TANC1: variants seen among roughly 807,000 people sequenced by gnomAD.
The protein encoded by TANC1 is tetratricopeptide repeat, ankyrin repeat and coiled-coil containing 1, also known as protein TANC1.
A neutral mutation model predicts 149.7 loss-of-function variants in TANC1; 77 were observed. The ratio of observed to expected loss-of-function variants is 0.51; its 90% CI spans 0.43 to 0.62. The LOEUF is 0.62. Ranked by LOEUF, TANC1 falls within the 20% of genes least tolerant of loss-of-function variation. The pLI, the probability that TANC1 is intolerant of heterozygous loss-of-function variation, is 0.00. For synonymous variants in TANC1, 854 were observed against 925.0 expected, an observed-to-expected ratio of 0.92 and a Z score of 1.39; for missense variants, 1,985 against 2,321.8, an observed-to-expected ratio of 0.85 and a Z score of 2.98.
At chr2:159,136,002 T>TTTTGTGTGTG (rs1334917468) in intron 4 of TANC1, among the ~76,000 whole-genome samples, 192 bp from the exon 5 acceptor site, 4 of 107,776 alleles carry the variant, frequency 3.7e-5, no homozygotes, top group Non-Finnish European at 6.5e-5. Context: ...TACTGAAATT[T>TTTTGTGTGTG]TGTGTGTGTG....
At chr2:159,136,408 A>G (rs12990585) in intron 5 of TANC1, 110 bp downstream of exon 5, 2 of 688,138 alleles carry the variant, frequency 2.9e-6, no homozygotes, top group Admixed American at 2.4e-5. Context: ...CTGAGAATGT[A>G]TTTGGGAGGT....
intron 1 of TANC1, among the ~76,000 whole-genome samples, chr2:158,986,156 G>A (rs2034979030): frequency 6.6e-6 from 1 of 152,222 alleles, no homozygotes; most frequent in Non-Finnish European, 1.5e-5. Context: ...GTCCAAATCA[G>A]TGGCTCCCTA....
intron 4 of TANC1, among the ~76,000 whole-genome samples, chr2:159,121,616 G>A (rs186382703): frequency 1.3e-5 from 2 of 152,274 alleles, no homozygotes; most frequent in East Asian, 1.9e-4. Context: ...GAGCCACTAC[G>A]CCCAGCAGTT....
intron 7 of TANC1, 170 bp downstream of exon 7, chr2:159,150,726 A>G (rs1048964631): frequency 1.6e-5 from 9 of 573,282 alleles, no homozygotes; most frequent in African/African-American, 7.6e-5. Flanking sequence ...AGAGTGGAGC[A>G]TTGGCTTTTA....
At chr2:159,087,471 T>G (rs75435044) in intron 3 of TANC1, among the ~76,000 whole-genome samples, 4,677 of 145,344 alleles carry the variant, frequency 0.032, 242 homozygotes, top group East Asian at 0.15. Flanking sequence ...TTTTCCGTTT[T>G]TTTTTTTTTT....
chr2:159,076,540 A>G (rs892210446), intron 3 of TANC1, among the ~76,000 whole-genome samples: 1 of 152,214 alleles, frequency 6.6e-6, no homozygotes, highest in African/African-American at 2.4e-5. Context: ...TAAGTTCCCA[A>G]CAGTAGATGG....
intron 5 of TANC1, among the ~76,000 whole-genome samples, chr2:159,141,284 A>G (rs1034273686): frequency 2.0e-5 from 3 of 152,358 alleles, no homozygotes; most frequent in Admixed American, 2.0e-4. Flanking sequence ...CACTAATCCC[A>G]TTCTGAGACA....
At chr2:159,182,551 T>A (rs1264575423) in intron 14 of TANC1, among the ~76,000 whole-genome samples, 1 of 152,228 alleles carries the variant, frequency 6.6e-6, no homozygotes, top group Non-Finnish European at 1.5e-5. Context: ...TTTTTCTTTT[T>A]CCTCAAAATT....
At chr2:158,990,779 T>G (rs2035539585) in intron 1 of TANC1, among the ~76,000 whole-genome samples, 1 of 152,116 alleles carries the variant, frequency 6.6e-6, no homozygotes, top group Middle Eastern at 3.4e-3. Flanking sequence ...TGCTGAAGAA[T>G]TCAGGGTTAT....
intron 1 of TANC1, among the ~76,000 whole-genome samples, chr2:159,000,308 C>T (rs1481195420): frequency 1.3e-5 from 2 of 151,706 alleles, no homozygotes; most frequent in African/African-American, 2.4e-5. Flanking sequence ...GGCACCAGGG[C>T]GGGAAGCTGG....
At chr2:159,124,893 C>A (rs921666916) in intron 4 of TANC1, among the ~76,000 whole-genome samples, 6 of 130,832 alleles carry the variant, frequency 4.6e-5, no homozygotes, top group Admixed American at 8.4e-5. Flanking sequence ...AGGCACGCAC[C>A]ACCATGCCCA....
intron 3 of TANC1, among the ~76,000 whole-genome samples, chr2:159,096,828 T>C (rs2046195790): frequency 6.6e-6 from 1 of 152,194 alleles, no homozygotes; most frequent in East Asian, 1.9e-4. Context: ...GGCGGGAAAG[T>C]TGTTGACTGA....
intron 1 of TANC1, among the ~76,000 whole-genome samples, chr2:158,981,756 G>A (rs764760910): frequency 2.0e-5 from 3 of 151,402 alleles, no homozygotes; most frequent in Non-Finnish European, 2.9e-5. Context: ...ATTTTATTCC[G>A]AATGACAAGT....
At chr2:159,080,089 C>A (rs960175505) in intron 3 of TANC1, among the ~76,000 whole-genome samples, 2 of 152,148 alleles carry the variant, frequency 1.3e-5, no homozygotes, top group African/African-American at 4.8e-5. Context: ...CTGCAACCCC[C>A]GGGACAAATG....
chr2:158,985,712 C>T lies in TANC1; in HGVS notation c.-125-15368C>T, dbSNP rs539690197. 3.9e-5 allele frequency among the ~76,000 whole-genome samples: 6 copies of T among 152,158 alleles called. No individual in the cohort carries two copies. In the East Asian group the frequency reaches 9.7e-4, roughly 25 times the overall value. On this transcript the variant is annotated intron_variant, in intron 1 of 26. Transcript: ENST00000263635. ...AGGCTGGAGTGCAGTGGCGTGATCT[C>T]GGTTCACTACAGCCTCCACCTCCCG...
chr2:159,003,440 C>T (rs1252732387), intron 2 of TANC1, among the ~76,000 whole-genome samples: 1 of 152,108 alleles, frequency 6.6e-6, no homozygotes, highest in Non-Finnish European at 1.5e-5. Flanking sequence ...CTGCCATATC[C>T]CTCAGCCAGA....
intron 2 of TANC1, among the ~76,000 whole-genome samples, chr2:159,019,328 C>T (rs16843561): frequency 0.098 from 14,954 of 152,214 alleles, 755 homozygotes; most frequent in Non-Finnish European, 0.11. Context: ...GATTCTGCAC[C>T]GGTAGTTGCT....
intron 2 of TANC1, among the ~76,000 whole-genome samples, chr2:159,029,066 A>G (rs2039576555): frequency 6.6e-6 from 1 of 152,132 alleles, no homozygotes; most frequent in African/African-American, 2.4e-5. Flanking sequence ...GAGTTTGACT[A>G]CTTTATATAC....
In TANC1 at chr2:159,202,335, C is replaced by T. The variant is rs138798410; in HGVS notation, c.3244+3282C>T. On this transcript the variant is annotated intron_variant, in intron 19 of 26. Transcript: ENST00000263635. ...GAAAATGTACAATAGAATTTTAAGA[C>T]GTTCATAAAAAATGGGAACAGTATT... Among the ~76,000 whole-genome samples the T allele has an allele frequency of 2.2e-4, 33 of 152,272 alleles. 1 individual carries two copies. Among genetic ancestry groups the T allele is most frequent in the African/African-American group, 6.5e-4 (27 of 41,542 alleles).
Sources: gnomAD v4.1 joint callset for allele counts (sites outside exome capture counted in the v4.1 genomes callset) on GRCh38, gnomAD v4.1.1 for gene constraint, MANE v1.5 for transcripts, NCBI Gene and HGNC (gene_info 2026-07-23, HGNC 2026-07-21) for gene names.